TMEM132D: variants seen among roughly 807,000 people sequenced by gnomAD.
TMEM132D encodes transmembrane protein 132D.
A neutral mutation model predicts 62.3 loss-of-function variants in TMEM132D; 21 were observed. The observed-to-expected ratio is 0.34, with a 90% CI of 0.24 to 0.49. The LOEUF (loss-of-function observed/expected upper bound fraction) is 0.49, where lower values mean the gene tolerates loss of function less well. TMEM132D is among the 20% of genes least tolerant of loss of function. The probability of loss-of-function intolerance (pLI) is 0.99; values close to 1 mark genes in which losing one functional copy is unlikely to be tolerated. For missense variants in TMEM132D, 1,346 were observed against 1,402.8 expected, an observed-to-expected ratio of 0.96 and a Z score of 0.65; for synonymous variants, 621 against 575.6, an observed-to-expected ratio of 1.08 and a Z score of -1.13.
intron 1 of TMEM132D, among the ~76,000 whole-genome samples, chr12:129,722,381 A>G (rs1868870796): frequency 6.6e-6 from 1 of 152,212 alleles, no homozygotes; most frequent in African/African-American, 2.4e-5. Context: ...GGCCTGCTGC[A>G]AGCCCCCGTC....
At chr12:129,081,737 G>GT in intron 7 of TMEM132D, 22 bp downstream of exon 7, 1 of 1,485,634 alleles carries the variant, frequency 6.7e-7, no homozygotes, top group East Asian at 2.3e-5. Context: ...CTTGATTTGG[G>GT]GATTTTTTTT....
intron 3 of TMEM132D, among the ~76,000 whole-genome samples, chr12:129,446,807 G>A (rs1873110214): frequency 6.6e-6 from 1 of 152,172 alleles, no homozygotes; most frequent in South Asian, 2.1e-4. Context: ...AAAATGCTGT[G>A]GTGGTGATTT....
chr12:129,078,510 T>G (rs2135610854), intron 8 of TMEM132D, 24 bp downstream of exon 8: 1 of 1,604,402 alleles, frequency 6.2e-7, no homozygotes, highest in Non-Finnish European at 8.5e-7. Context: ...CCTGCTGAAG[T>G]GTGTCTCAAG....
At chr12:129,835,435 C>G (rs1241098401) in intron 1 of TMEM132D, among the ~76,000 whole-genome samples, 1 of 152,064 alleles carries the variant, frequency 6.6e-6, no homozygotes, top group East Asian at 1.9e-4. Context: ...GGATTACAAA[C>G]AAGCGCCACC....
intron 1 of TMEM132D, among the ~76,000 whole-genome samples, chr12:129,895,758 C>T (rs1593202463): frequency 6.6e-6 from 1 of 151,946 alleles, no homozygotes; most frequent in Admixed American, 6.5e-5. Context: ...TGGCACAGAG[C>T]AGCTGAAAAG....
At chr12:129,385,984 A>C (rs1201959420) in intron 3 of TMEM132D, among the ~76,000 whole-genome samples, 1 of 152,164 alleles carries the variant, frequency 6.6e-6, no homozygotes, top group South Asian at 2.1e-4. Context: ...TGTGCTGCAC[A>C]CAGTTCCCCA....
chr12:129,463,438 CTATTTATTTATT>C lies in TMEM132D; in HGVS notation c.1115+67609_1115+67620del, dbSNP rs34072279. On this transcript the variant is annotated intron_variant, in intron 3 of 8. Transcript: ENST00000422113. ...CAGCCTGTGTCCTGGGATCCCTGTC[CTATTTATTTATT>C]TATTTATTTATTTATTTATGTATTA... is the stretch of plus-strand genomic sequence containing the variant. Among the ~76,000 whole-genome samples the C allele has an allele frequency of 6.0e-3, 877 of 146,082 alleles. 9 individuals are homozygous for C. Among genetic ancestry groups the C allele is most frequent in the African/African-American group, 0.019 (780 of 40,042 alleles).
chr12:129,851,513 G>A (rs796433335), intron 1 of TMEM132D, among the ~76,000 whole-genome samples: 3 of 152,294 alleles, frequency 2.0e-5, no homozygotes, highest in African/African-American at 7.2e-5. Context: ...GCAAAGGGCT[G>A]TACAAAAGCA....
chr12:129,612,236 A>G (rs1878796420), intron 2 of TMEM132D, among the ~76,000 whole-genome samples: 1 of 152,108 alleles, frequency 6.6e-6, no homozygotes, highest in Non-Finnish European at 1.5e-5. Context: ...GATCTTACTA[A>G]GGGGAGGAAT....
intron 4 of TMEM132D, among the ~76,000 whole-genome samples, chr12:129,279,697 G>A (rs545467170): frequency 2.0e-5 from 3 of 152,138 alleles, no homozygotes; most frequent in African/African-American, 7.2e-5. Context: ...TCTCACGAGC[G>A]AAAACTGGGA....
chr12:129,548,904 A>T (rs1198863286), intron 2 of TMEM132D, among the ~76,000 whole-genome samples: 1 of 152,272 alleles, frequency 6.6e-6, no homozygotes, highest in South Asian at 2.1e-4. Context: ...CAAAGACTGG[A>T]TATTTCCTTA....
intron 2 of TMEM132D, among the ~76,000 whole-genome samples, chr12:129,664,363 G>A (rs905558408): frequency 1.3e-4 from 20 of 151,664 alleles, no homozygotes; most frequent in Admixed American, 1.2e-3. Flanking sequence ...TGCTAATGGA[G>A]GGAAATTTAA....
chr12:129,254,531 G>T (rs1204109838), intron 4 of TMEM132D, among the ~76,000 whole-genome samples: 2 of 152,046 alleles, frequency 1.3e-5, no homozygotes, highest in Non-Finnish European at 2.9e-5. Flanking sequence ...ATCAAATGGG[G>T]ATAAATATGA....
At chr12:129,520,303 T>C (rs2137080520) in intron 3 of TMEM132D, among the ~76,000 whole-genome samples, 1 of 152,330 alleles carries the variant, frequency 6.6e-6, no homozygotes, top group East Asian at 1.9e-4. Context: ...AGGCTTACTC[T>C]GGGGTGCATA....
intron 5 of TMEM132D, among the ~76,000 whole-genome samples, chr12:129,176,755 C>T (rs948232743): frequency 6.6e-5 from 10 of 152,226 alleles, no homozygotes; most frequent in Non-Finnish European, 1.5e-4. Context: ...GCAGGCTGGG[C>T]ATCACTTATC....
chr12:129,865,238 G>T (rs902223014), intron 1 of TMEM132D, among the ~76,000 whole-genome samples: 13 of 152,198 alleles, frequency 8.5e-5, no homozygotes, highest in African/African-American at 3.1e-4. Context: ...GCAGAAGCCT[G>T]CAGGACAGAG....
chr12:129,646,040 T>C (rs1307069355), intron 2 of TMEM132D, among the ~76,000 whole-genome samples: 1 of 152,214 alleles, frequency 6.6e-6, no homozygotes, highest in Non-Finnish European at 1.5e-5. Context: ...CGGGGTGCTC[T>C]GCCTATGGGG....
intron 5 of TMEM132D, among the ~76,000 whole-genome samples, chr12:129,103,144 T>C (rs1875370233): frequency 6.6e-6 from 1 of 152,176 alleles, no homozygotes; most frequent in South Asian, 2.1e-4. Flanking sequence ...TTGTAGGCTC[T>C]TCCAGTGAGG....
At chr12:129,240,386 C>T (rs944032651) in intron 4 of TMEM132D, among the ~76,000 whole-genome samples, 3 of 152,082 alleles carry the variant, frequency 2.0e-5, no homozygotes, top group Admixed American at 6.5e-5. Flanking sequence ...TATTATGATA[C>T]TTAAGTAGAC....
Sources: gnomAD v4.1 joint callset for allele counts (sites outside exome capture counted in the v4.1 genomes callset) on GRCh38, gnomAD v4.1.1 for gene constraint, MANE v1.5 for transcripts, NCBI Gene and HGNC (gene_info 2026-07-23, HGNC 2026-07-21) for gene names.